TICRR: variants seen among roughly 807,000 people sequenced by gnomAD.
The protein encoded by TICRR is treslin.
In TICRR, 132 loss-of-function variants were observed where a neutral mutation model predicts 178.1. The ratio of observed to expected loss-of-function variants is 0.74; its 90% CI spans 0.64 to 0.86. TICRR has a LOEUF of 0.86. TICRR is among the 40% of genes least tolerant of loss of function. The pLI is 0.00. For missense variants in TICRR, 2,587 were observed against 2,334.3 expected, an observed-to-expected ratio of 1.11 and a Z score of -2.23; for synonymous variants, 991 against 900.7, an observed-to-expected ratio of 1.10 and a Z score of -1.79.
chr15:89,584,725 A>G (rs1033821549), intron 3 of TICRR, among the ~76,000 whole-genome samples, 198 bp downstream of exon 3: 2 of 152,266 alleles, frequency 1.3e-5, no homozygotes, highest in African/African-American at 2.4e-5. Flanking sequence ...GCATGTACCA[A>G]GAATCCAATT....
chr15:89,591,774 C>T lies in TICRR; in HGVS notation c.1412-273C>T, dbSNP rs1336466238. On this transcript the variant is annotated intron_variant, in intron 4 of 21. Coordinates refer to ENST00000268138, the MANE Select transcript of TICRR (RefSeq NM_152259.4). ...AAAGAAGAACAATATATATTTTTAACCTGTTTAGAGGAACATTTCAGAAAT... is the reference window on the plus strand; with the variant it reads ...AAAGAAGAACAATATATATTTTTAATCTGTTTAGAGGAACATTTCAGAAAT... 6 of 260,244 alleles carry T rather than the reference C, an allele frequency of 2.3e-5. No homozygotes were observed. The Admixed American group carries it at 3.1e-4, about 13-fold the overall frequency. The allele number at this position is 260,244 out of a possible 1,614,324, so 16.1% of individuals were successfully genotyped here.
At position 89,626,986 on chromosome 15, in the gene TICRR, T is replaced by C. The variant is rs750877694; in HGVS notation, c.5633T>C (p.Val1878Ala). 1.2e-6 allele frequency: 2 copies of C among 1,614,190 alleles called. No individual in the cohort carries two copies. Residue 1878 changes from valine to alanine, a missense_variant, in exon 22 of 22, where the codon GTA (valine) becomes GCA (alanine). Coordinates refer to ENST00000268138, the MANE Select transcript of TICRR (RefSeq NM_152259.4). ...GATGTGGATGTTCTTCCCTCCACTG[T>C]AGAAGACTCTCCTTTCAGTCGCGCT... ...DEDVDVLPSTVEDSPFSRAFS... is the reference protein window; with the variant it reads ...DEDVDVLPSTAEDSPFSRAFS...
At chr15:89,601,048 GA>G (rs71151515) in intron 9 of TICRR, among the ~76,000 whole-genome samples, 53 of 74,818 alleles carry the variant, frequency 7.1e-4, no homozygotes, top group African/African-American at 1.6e-3. Flanking sequence ...CCTGTCTCAG[GA>G]AAAAAAAAAA....
intron 4 of TICRR, 56 bp downstream of exon 4, chr15:89,585,998 G>C: frequency 7.4e-7 from 1 of 1,352,722 alleles, no homozygotes; most frequent in Non-Finnish European, 1.1e-6. Context: ...GTCTTTTCAA[G>C]CATCGGGACT....
Position 89,625,760 on chromosome 15 carries a change from C to T in TICRR, c.5450C>T (p.Thr1817Met), listed in dbSNP as rs780264569. ...TGGAGTGCATGGCAGCTACCCTCCA[C>T]GGGAGACGAAGAGGTGTTTGTTTCC... The part of the protein sequence containing the change: ...PSWSAWQLPS[T>M]GDEEVFVSGS... The change falls in exon 20 of 22, where the codon ACG becomes ATG. Residue 1817 changes from threonine (T) to methionine (M), a missense_variant. Coordinates refer to ENST00000268138, the MANE Select transcript of TICRR (RefSeq NM_152259.4). The T allele has an allele frequency of 1.2e-5, 20 of 1,607,980 alleles. No individual in the cohort carries two copies. The highest frequency in any genetic ancestry group is 2.2e-5 in the South Asian group (2 of 90,790).
At position 89,624,508 on chromosome 15, in the gene TICRR, C is replaced by T. The variant is rs1313991573; in HGVS notation, c.4198C>T (p.Pro1400Ser). The T allele has an allele frequency of 6.2e-7, 1 of 1,614,130 alleles. No homozygotes were observed. Among genetic ancestry groups the T allele is most frequent in the Non-Finnish European group, 8.5e-7 (1 of 1,180,036 alleles). The part of the protein sequence containing the change: ...DPRRSIVECQ[P>S]DASATPGVGT... ...CAGAAGGAGCATCGTGGAGTGTCAGCCTGATGCCTCCGCTACTCCTGGGGT... is the reference window on the plus strand; with the variant it reads ...CAGAAGGAGCATCGTGGAGTGTCAGTCTGATGCCTCCGCTACTCCTGGGGT... Residue 1400 changes from proline to serine, a missense_variant, in exon 20 of 22, where the codon CCT (proline) becomes TCT (serine). Transcript: ENST00000268138.
chr15:89,620,745 T>C (rs1427031883), intron 18 of TICRR, among the ~76,000 whole-genome samples: 1 of 151,122 alleles, frequency 6.6e-6, no homozygotes, highest in East Asian at 2.0e-4. Context: ...TTTTTTGAGA[T>C]GGAGTCTCAC....
chr15:89,597,100 G>A (rs535475093), intron 7 of TICRR, among the ~76,000 whole-genome samples: 1 of 152,162 alleles, frequency 6.6e-6, no homozygotes, highest in East Asian at 1.9e-4. Context: ...GGTTTTATAC[G>A]TGTCTGTACA....
chr15:89,619,633 C>T, intron 17 of TICRR, 75 bp from the exon 18 acceptor site: 1 of 1,516,100 alleles, frequency 6.6e-7, no homozygotes, highest in Non-Finnish European at 8.9e-7. Context: ...TAAATTTTGC[C>T]CGGTTTTGGA....
Position 89,576,474 on chromosome 15 carries a change from A to G in TICRR, c.654+234A>G, listed in dbSNP as rs534082918. The stretch of plus-strand genomic sequence containing the variant: ...GGCCCTACCTGCCTTCCCAGACTTG[A>G]TTTTCCTACACACTACATCTACTCT... On this transcript the variant is annotated intron_variant, in intron 1 of 21. Coordinates refer to ENST00000268138, the MANE Select transcript of TICRR (RefSeq NM_152259.4). Among the ~76,000 whole-genome samples, 10 of 152,048 alleles carry G rather than the reference A, an allele frequency of 6.6e-5. No individual in the cohort carries two copies. In the South Asian group the frequency reaches 1.7e-3, roughly 25 times the overall value.
intron 15 of TICRR, among the ~76,000 whole-genome samples, chr15:89,616,075 G>A (rs1963331095): frequency 6.6e-6 from 1 of 152,078 alleles, no homozygotes; most frequent in African/African-American, 2.4e-5. Flanking sequence ...AGTAGAGATA[G>A]GCTTTCACCG....
intron 15 of TICRR, among the ~76,000 whole-genome samples, chr15:89,615,196 T>C (rs1963315005): frequency 6.6e-6 from 1 of 152,226 alleles, no homozygotes; most frequent in Admixed American, 6.5e-5. Context: ...CAGTAAATGC[T>C]GTCAGGGAAA....
intron 1 of TICRR, among the ~76,000 whole-genome samples, chr15:89,581,779 A>T (rs1962730384): frequency 6.6e-6 from 1 of 152,180 alleles, no homozygotes; most frequent in Non-Finnish European, 1.5e-5. Flanking sequence ...TCAGAGAAGT[A>T]GCGTGACCAG....
chr15:89,627,185 C>A lies in TICRR; in HGVS notation c.*99C>A. ...GGTCCCAAGCCTCTTTTGCCATGGT[C>A]AGTGTTCAGATTGCCATTAGAATGC... On this transcript the variant is annotated 3_prime_UTR_variant, in exon 22 of 22. Transcript: ENST00000268138. The A allele has an allele frequency of 1.4e-6, 2 of 1,472,196 alleles. No individual in the cohort carries two copies. Among genetic ancestry groups the A allele is most frequent in the South Asian group, 2.4e-5 (2 of 83,534 alleles). The allele number at this position is 1,472,196 out of a possible 1,614,324, so 91.2% of individuals were successfully genotyped here.
Position 89,601,810 on chromosome 15 carries a change from G to T in TICRR, c.2401G>T (p.Ala801Ser), listed in dbSNP as rs777716077. The change falls in exon 12 of 22, where the codon GCT becomes TCT. Residue 801 changes from alanine (A) to serine (S), a missense_variant. Ala to Ser is a moderately conservative substitution (Grantham distance 99). Transcript: ENST00000268138. ...AGGGTTTGTGATTCCTCAGAAGCTG[G>T]CTGGTGTCCTTCCTACAGATTTTTT... ...SLGFVIPQKL[A>S]GVLPTDFFSD... The T allele has an allele frequency of 1.4e-5, 22 of 1,614,036 alleles. No homozygotes were observed. The highest frequency in any genetic ancestry group is 1.8e-5 in the Non-Finnish European group (21 of 1,180,032).
At chr15:89,587,528 G>A (rs1409012936) in intron 4 of TICRR, among the ~76,000 whole-genome samples, 2 of 152,112 alleles carry the variant, frequency 1.3e-5, no homozygotes, top group African/African-American at 2.4e-5. Context: ...AACCAGCAAA[G>A]GAGACAAAAG....
intron 8 of TICRR, among the ~76,000 whole-genome samples, chr15:89,600,207 G>A (rs948064085): frequency 6.6e-6 from 1 of 152,198 alleles, no homozygotes; most frequent in Admixed American, 6.5e-5. Flanking sequence ...TTTGCACTGG[G>A]AGTGTTGCAA....
chr15:89,615,050 CAG>C (rs1460363421), intron 15 of TICRR, among the ~76,000 whole-genome samples: 1 of 152,226 alleles, frequency 6.6e-6, no homozygotes, highest in Non-Finnish European at 1.5e-5. Context: ...AGAATGTCAT[CAG>C]AGATTTGCAA....
chr15:89,576,729 A>T (rs1962621222), intron 1 of TICRR, among the ~76,000 whole-genome samples: 1 of 151,206 alleles, frequency 6.6e-6, no homozygotes, highest in Non-Finnish European at 1.5e-5. Flanking sequence ...TTGATTATGC[A>T]CATCTCTCAC....
Sources: gnomAD v4.1 joint callset for allele counts (sites outside exome capture counted in the v4.1 genomes callset) on GRCh38, gnomAD v4.1.1 for gene constraint, MANE v1.5 for transcripts, NCBI Gene and HGNC (gene_info 2026-07-23, HGNC 2026-07-21) for gene names.